DLC1: variants seen among roughly 807,000 people sequenced by gnomAD.
DLC1 encodes DLC1 Rho GTPase activating protein.
In DLC1, 54 loss-of-function variants were observed where a neutral mutation model predicts 140.3. The ratio of observed to expected loss-of-function variants is 0.38; its 90% CI spans 0.31 to 0.48. DLC1 has a LOEUF of 0.48. Ranked by LOEUF, DLC1 falls within the 20% of genes least tolerant of loss-of-function variation. DLC1 has a pLI of 0.96. For missense variants in DLC1, 2,536 were observed against 1,907.0 expected (o/e 1.33, Z -6.14); for synonymous variants, 986 against 728.1 (o/e 1.35, Z -5.70).
intron 5 of DLC1, among the ~76,000 whole-genome samples, chr8:13,239,613 A>G (rs560746807): frequency 6.6e-6 from 1 of 152,278 alleles, no homozygotes; most frequent in Admixed American, 6.5e-5. Context: ...GCAACCAACG[A>G]AAAAATTAAC....
chr8:13,091,294 G>C (rs751430509), intron 14 of DLC1, 24 bp downstream of exon 14: 3 of 1,611,150 alleles, frequency 1.9e-6, no homozygotes, highest in Non-Finnish European at 2.5e-6. Context: ...CTTAATAAAG[G>C]AGCCAAACTT....
intron 5 of DLC1, among the ~76,000 whole-genome samples, chr8:13,133,907 C>T (rs1822352452): frequency 2.0e-5 from 3 of 152,148 alleles, no homozygotes; most frequent in Admixed American, 1.3e-4. Flanking sequence ...CTAAAACCCG[C>T]ATGGGTACGG....
chr8:13,088,476 G>C lies in DLC1; in HGVS notation c.4292+11C>G. 4 of 1,613,944 alleles carry C rather than the reference G, an allele frequency of 2.5e-6. No homozygotes were observed. Among genetic ancestry groups the C allele is most frequent in the Non-Finnish European group, 3.4e-6 (4 of 1,179,886 alleles). ...ATCCTTGTCACAAAAAAACAACTGG[G>C]AAGCGCTCACCTTAAAACAACGTAG... On this transcript the variant is annotated intron_variant, in intron 16 of 17. Transcript: ENST00000276297.
intron 12 of DLC1, among the ~76,000 whole-genome samples, chr8:13,094,546 G>C (rs1818346505): frequency 6.6e-6 from 1 of 152,066 alleles, no homozygotes; most frequent in East Asian, 1.9e-4. Context: ...CCCTCCTGTA[G>C]TCCCAGCCAC....
chr8:13,459,527 A>G (rs1563365957), intron 2 of DLC1, among the ~76,000 whole-genome samples: 1 of 152,328 alleles, frequency 6.6e-6, no homozygotes, highest in East Asian at 1.9e-4. Context: ...TCTTAGAGAA[A>G]TAAGTATTGT....
intron 2 of DLC1, among the ~76,000 whole-genome samples, chr8:13,424,556 T>C (rs1005470918): frequency 1.3e-5 from 2 of 152,082 alleles, no homozygotes; most frequent in Non-Finnish European, 2.9e-5. Flanking sequence ...TTCCTTGTGC[T>C]GTTGGTCCAA....
chr8:13,596,740 A>C (rs1345245190), intron 1 of DLC1, among the ~76,000 whole-genome samples: 1 of 152,020 alleles, frequency 6.6e-6, no homozygotes, highest in Non-Finnish European at 1.5e-5. Context: ...ATATGGGCCT[A>C]AAAATGATCA....
At chr8:13,339,266 C>T (rs1183292025) in intron 4 of DLC1, among the ~76,000 whole-genome samples, 2 of 152,248 alleles carry the variant, frequency 1.3e-5, no homozygotes, top group South Asian at 4.1e-4. Flanking sequence ...TTCCAACTCA[C>T]GGAGGACAAG....
intron 4 of DLC1, among the ~76,000 whole-genome samples, chr8:13,323,936 A>C (rs555748420): frequency 1.3e-5 from 2 of 152,322 alleles, no homozygotes; most frequent in South Asian, 4.1e-4. Context: ...TCAATTCAGC[A>C]AAGTGGTTTA....
At chr8:13,133,312 C>T (rs1196159269) in intron 5 of DLC1, 8 of 1,201,892 alleles carry the variant, frequency 6.7e-6, no homozygotes, top group African/African-American at 1.6e-5. Context: ...CTCCGCCAGC[C>T]GGGCCCTCCC....
In DLC1 at chr8:13,091,499, C is replaced by T. The variant is rs938004186; in HGVS notation, c.3741-67G>A. On this transcript the variant is annotated intron_variant, in intron 13 of 17. Coordinates refer to ENST00000276297, the MANE Select transcript of DLC1 (RefSeq NM_182643.3). Reference sequence around the variant, plus strand: ...ATATATTTTTCTTCAAGGTATTATTCAAGGAAACCCAAAGAAGAGAGAAAA... The same window carrying T: ...ATATATTTTTCTTCAAGGTATTATTTAAGGAAACCCAAAGAAGAGAGAAAA... The T allele has an allele frequency of 2.8e-6, 4 of 1,423,430 alleles. No individual in the cohort carries two copies. In the East Asian group the frequency reaches 9.3e-5, roughly 33 times the overall value. 88.2% of individuals were successfully genotyped at this position (1,423,430 alleles called of 1,614,324 possible).
chr8:13,133,491 C>T, intron 5 of DLC1: 1 of 186,356 alleles, frequency 5.4e-6, no homozygotes, highest in Non-Finnish European at 1.0e-5. Context: ...CCCTCTAGCC[C>T]CGCCCCGCCC....
At chr8:13,209,640 A>T (rs1827841780) in intron 5 of DLC1, among the ~76,000 whole-genome samples, 1 of 152,056 alleles carries the variant, frequency 6.6e-6, no homozygotes, top group Non-Finnish European at 1.5e-5. Flanking sequence ...ATTTCTCATG[A>T]ATGGTTTAGC....
intron 5 of DLC1, among the ~76,000 whole-genome samples, chr8:13,265,184 GC>G (rs1830634538): frequency 6.6e-6 from 1 of 152,166 alleles, no homozygotes. Context: ...CAAGGGGATA[GC>G]TTAAATTATG....
chr8:13,409,701 A>G (rs1008791192), intron 2 of DLC1, among the ~76,000 whole-genome samples: 7 of 152,302 alleles, frequency 4.6e-5, no homozygotes, highest in African/African-American at 1.7e-4. Context: ...TGTGACTCCA[A>G]TAGAGGGGTC....
At chr8:13,190,612 T>C (rs1036998825) in intron 5 of DLC1, among the ~76,000 whole-genome samples, 4 of 152,196 alleles carry the variant, frequency 2.6e-5, no homozygotes, top group African/African-American at 9.6e-5. Context: ...ATAATGAATT[T>C]GCAGGTACAC....
In DLC1 at chr8:13,342,904, A is replaced by C. The variant is rs575192235; in HGVS notation, c.1315-37602T>G. On this transcript the variant is annotated intron_variant, in intron 4 of 17. Transcript: ENST00000276297. ...TTGTTTTGTTTCTCTGGAGAATCCT[A>C]ATACAACATACATCAATGACAAGAC... 4 of 151,672 alleles carry C rather than the reference A, an allele frequency of 2.6e-5. No individual in the cohort carries two copies. In the South Asian group the frequency reaches 8.3e-4, roughly 31 times the overall value. The allele number at this position is 151,672 out of a possible 1,614,324, so 9.4% of individuals were successfully genotyped here.
At chr8:13,439,057 T>A (rs1839244631) in intron 2 of DLC1, among the ~76,000 whole-genome samples, 1 of 152,070 alleles carries the variant, frequency 6.6e-6, no homozygotes, top group African/African-American at 2.4e-5. Flanking sequence ...CCGAGCACAG[T>A]GGCTCATGCC....
chr8:13,493,932 A>G (rs1325416728), intron 2 of DLC1, among the ~76,000 whole-genome samples: 1 of 152,202 alleles, frequency 6.6e-6, no homozygotes, highest in Non-Finnish European at 1.5e-5. Context: ...TAAATATAGA[A>G]TAAGGAGAAA....
Sources: gnomAD v4.1 joint callset for allele counts (sites outside exome capture counted in the v4.1 genomes callset) on GRCh38, gnomAD v4.1.1 for gene constraint, MANE v1.5 for transcripts, NCBI Gene and HGNC (gene_info 2026-07-23, HGNC 2026-07-21) for gene names.